The following RCAN2 variants were observed in gnomAD, a reference collection of about 807,000 sequenced individuals.
RCAN2 encodes regulator of calcineurin 2, also known as calcipressin-2.
RCAN2 carries 9 observed loss-of-function variants against 23.6 expected under a neutral mutation model. The ratio of observed to expected loss-of-function variants is 0.38; its 90% confidence interval spans 0.23 to 0.67. The LOEUF (loss-of-function observed/expected upper bound fraction) is 0.67. Among genes scored for constraint, RCAN2 ranks in the 30% least tolerant of loss-of-function variants. The pLI, the probability that RCAN2 is intolerant of heterozygous loss-of-function variation, is 0.51. For missense variants in RCAN2, 273 were observed against 302.3 expected (o/e 0.90, Z 0.72); for synonymous variants, 109 against 115.7 (o/e 0.94, Z 0.37).
chr6:46,278,669 T>C (rs1767795445), intron 2 of RCAN2, among the ~76,000 whole-genome samples: 1 of 152,218 alleles, frequency 6.6e-6, no homozygotes, highest in Non-Finnish European at 1.5e-5. Context: ...CTCTCTTTAG[T>C]CTCGTTTCAT....
intron 2 of RCAN2, among the ~76,000 whole-genome samples, chr6:46,366,152 T>C (rs951667736): frequency 1.3e-5 from 2 of 152,212 alleles, no homozygotes; most frequent in African/African-American, 4.8e-5. Flanking sequence ...CAATACAGCG[T>C]GGTTACTTCT....
Position 46,325,607 on chromosome 6 carries a change from C to T in RCAN2, c.226-76711G>A, listed in dbSNP as rs1356640001. Reference sequence around the variant, plus strand: ...CTTGCTCTGGGGACGGCTGGAGGCTCGGGCTCCTGGAGCCCGCTCCCACTG... The same window carrying T: ...CTTGCTCTGGGGACGGCTGGAGGCTTGGGCTCCTGGAGCCCGCTCCCACTG... On this transcript the variant is annotated intron_variant, in intron 2 of 4. Coordinates refer to ENST00000371374, the MANE Select transcript of RCAN2 (RefSeq NM_001251974.2). The T allele has an allele frequency of 4.8e-6, 7 of 1,447,142 alleles. No individual in the cohort carries two copies. The East Asian group carries it at 1.5e-4, about 31-fold the overall frequency. The allele number at this position is 1,447,142 out of a possible 1,614,324, so 89.6% of individuals were successfully genotyped here.
At chr6:46,392,270 A>T (rs577582035) in intron 2 of RCAN2, among the ~76,000 whole-genome samples, 14 of 152,322 alleles carry the variant, frequency 9.2e-5, no homozygotes, top group African/African-American at 3.1e-4. Flanking sequence ...AGGGGCAGCA[A>T]GTCAAGGGAT....
At position 46,273,746 on chromosome 6, in the gene RCAN2, T is replaced by C. The variant is rs183271608; in HGVS notation, c.226-24850A>G. Among the ~76,000 whole-genome samples, 313 of 152,336 alleles carry C rather than the reference T, an allele frequency of 2.1e-3. 1 individual carries two copies. Among genetic ancestry groups the C allele is most frequent in the African/African-American group, 7.2e-3 (301 of 41,584 alleles). ...GCAGAAGAGATTAATCAACATTGAT[T>C]TGGCTGAATGGCTGTGTCCATCTAT... On this transcript the variant is annotated intron_variant, in intron 2 of 4. Coordinates refer to ENST00000371374, the MANE Select transcript of RCAN2 (RefSeq NM_001251974.2).
chr6:46,241,163 T>C (rs1010330313), intron 4 of RCAN2, among the ~76,000 whole-genome samples: 1 of 152,244 alleles, frequency 6.6e-6, no homozygotes, highest in Non-Finnish European at 1.5e-5. Flanking sequence ...TATTTTACCA[T>C]TTTCTGCTGA....
chr6:46,324,963 G>C (rs1292304650), intron 2 of RCAN2, among the ~76,000 whole-genome samples: 1 of 152,254 alleles, frequency 6.6e-6, no homozygotes, highest in Non-Finnish European at 1.5e-5. Flanking sequence ...GGATATTTAA[G>C]TGACATGCCA....
intron 4 of RCAN2, among the ~76,000 whole-genome samples, chr6:46,237,865 C>T (rs1420654021): frequency 1.3e-5 from 2 of 152,136 alleles, no homozygotes; most frequent in Non-Finnish European, 2.9e-5. Context: ...TAAGAAGAAC[C>T]AGGACCCACA....
chr6:46,373,774 T>C (rs765860942), intron 2 of RCAN2, among the ~76,000 whole-genome samples: 14 of 152,190 alleles, frequency 9.2e-5, no homozygotes, highest in Non-Finnish European at 4.4e-5. Context: ...ACTTTTGACG[T>C]ATGAGAAGAT....
chr6:46,255,975 G>A (rs576900966), intron 2 of RCAN2, among the ~76,000 whole-genome samples: 37 of 152,326 alleles, frequency 2.4e-4, no homozygotes, highest in African/African-American at 8.4e-4. Flanking sequence ...AGCAATTAAA[G>A]ACTTGGTAAG....
intron 2 of RCAN2, among the ~76,000 whole-genome samples, chr6:46,375,690 T>C (rs1285326135): frequency 6.6e-6 from 1 of 152,212 alleles, no homozygotes; most frequent in African/African-American, 2.4e-5. Context: ...ATTTTAGGCT[T>C]TGTAGGCCAT....
rs1317539705 is a variant in RCAN2 at position 46,454,369 on chromosome 6, C to A, written c.225+2383G>T. Reference sequence around the variant, plus strand: ...AAATGAGATGCCACAAGACTCCCCACTTTTTTTTCTGGAGTCCCAGCAATC... The same window carrying A: ...AAATGAGATGCCACAAGACTCCCCAATTTTTTTTCTGGAGTCCCAGCAATC... On this transcript the variant is annotated intron_variant, in intron 2 of 4. Transcript: ENST00000371374. Among the ~76,000 whole-genome samples the A allele has an allele frequency of 2.6e-5, 4 of 152,124 alleles. No homozygotes were observed. In the South Asian group the frequency reaches 6.2e-4, roughly 24 times the overall value.
intron 1 of RCAN2, among the ~76,000 whole-genome samples, chr6:46,483,219 C>T (rs7754555): frequency 0.69 from 104,479 of 152,114 alleles, 35,874 homozygotes; most frequent in South Asian, 0.78. Flanking sequence ...GCAGTTTTCA[C>T]ACAGCCTGAA....
intron 2 of RCAN2, among the ~76,000 whole-genome samples, chr6:46,275,992 T>A (rs1416806235): frequency 6.6e-6 from 1 of 152,062 alleles, no homozygotes; most frequent in Non-Finnish European, 1.5e-5. Context: ...TGGATCACGA[T>A]GTCAGGAGTT....
At chr6:46,371,349 T>A (rs1182715647) in intron 2 of RCAN2, among the ~76,000 whole-genome samples, 1 of 152,246 alleles carries the variant, frequency 6.6e-6, no homozygotes, top group East Asian at 1.9e-4. Flanking sequence ...ATATCTTTCA[T>A]GTGACACTTG....
chr6:46,478,078 T>G (rs1768761860), intron 1 of RCAN2, among the ~76,000 whole-genome samples: 1 of 152,178 alleles, frequency 6.6e-6, no homozygotes, highest in Non-Finnish European at 1.5e-5. Context: ...ATTCCAAGGA[T>G]GCTACGATGA....
chr6:46,226,670 T>C (rs1299101601), intron 4 of RCAN2, among the ~76,000 whole-genome samples: 1 of 152,252 alleles, frequency 6.6e-6, no homozygotes, highest in African/African-American at 2.4e-5. Flanking sequence ...GCTTATCAGC[T>C]TAAGGGGATT....
chr6:46,371,141 T>C (rs145843778), intron 2 of RCAN2, among the ~76,000 whole-genome samples: 74 of 152,262 alleles, frequency 4.9e-4, no homozygotes, highest in African/African-American at 1.7e-3. Flanking sequence ...AGGCTAGGGA[T>C]TAATTATAAC....
At chr6:46,485,334 C>A (rs1423890048) in intron 1 of RCAN2, among the ~76,000 whole-genome samples, 1 of 152,016 alleles carries the variant, frequency 6.6e-6, no homozygotes, top group Non-Finnish European at 1.5e-5. Context: ...GCACAGAATG[C>A]AAAATTCTGT....
chr6:46,445,223 A>G (rs1767671322), intron 2 of RCAN2, among the ~76,000 whole-genome samples: 1 of 152,160 alleles, frequency 6.6e-6, no homozygotes, highest in Non-Finnish European at 1.5e-5. Flanking sequence ...GCCTGTCCTT[A>G]TGGACATAGG....
Sources: allele counts gnomAD v4.1 joint callset (sites outside exome capture counted in the v4.1 genomes callset), GRCh38; gene constraint gnomAD v4.1.1; transcripts MANE v1.5; gene names NCBI Gene and HGNC (gene_info 2026-07-23, HGNC 2026-07-21).